LIPG: variants seen among roughly 807,000 people sequenced by gnomAD.
LIPG encodes endothelial lipase.
Under a neutral mutation model 51.8 loss-of-function variants are expected in LIPG, and 34 were observed. The observed-to-expected ratio is 0.66, with a 90% CI of 0.50 to 0.87. The LOEUF (loss-of-function observed/expected upper bound fraction) is 0.87, where lower values mean the gene tolerates loss of function less well. LIPG is among the 40% of genes least tolerant of loss of function. LIPG has a pLI of 0.00. For missense variants in LIPG, 580 were observed against 652.7 expected, an observed-to-expected ratio of 0.89 and a Z score of 1.21; for synonymous variants, 246 against 246.1, an observed-to-expected ratio of 1.00 and a Z score of 0.00.
chr18:49,590,985 G>T lies in LIPG; in HGVS notation c.*463G>T. The T allele has an allele frequency of 3.8e-6, 1 of 263,162 alleles. No homozygotes were observed. Among genetic ancestry groups the T allele is most frequent in the Non-Finnish European group, 7.5e-6 (1 of 133,282 alleles). 16.3% of individuals were successfully genotyped at this position (263,162 alleles called of 1,614,324 possible). On this transcript the variant is annotated 3_prime_UTR_variant, in exon 10 of 10. Coordinates refer to ENST00000261292, the MANE Select transcript of LIPG (RefSeq NM_006033.4). The stretch of plus-strand genomic sequence containing the variant: ...TGACTCATGTCAGGATGGCAGGCCT[G>T]GTATCTTGCTCGGGCCCTAGCTGTT...
chr18:49,580,502 G>A (rs1487953336), intron 5 of LIPG, among the ~76,000 whole-genome samples: 1 of 152,194 alleles, frequency 6.6e-6, no homozygotes, highest in African/African-American at 2.4e-5. Flanking sequence ...TGGCCAGCAG[G>A]CATGGTGTGG....
chr18:49,565,252 C>T, intron 1 of LIPG, 65 bp from the exon 2 acceptor site: 2 of 1,528,770 alleles, frequency 1.3e-6, no homozygotes, highest in Non-Finnish European at 9.0e-7. Flanking sequence ...GAACTAGAAT[C>T]AGACCCCAGG....
At chr18:49,574,537 A>G (rs929874615) in intron 4 of LIPG, among the ~76,000 whole-genome samples, 1 of 152,170 alleles carries the variant, frequency 6.6e-6, no homozygotes, top group Non-Finnish European at 1.5e-5. Flanking sequence ...CTGCTCTGCT[A>G]CCTGTCCGTT....
rs1382626762 is a variant in LIPG at position 49,596,828 on chromosome 18, A to G, written c.*6306A>G. 2 of 149,858 alleles carry G rather than the reference A, an allele frequency of 1.3e-5. No individual in the cohort carries two copies. The highest frequency in any genetic ancestry group is 3.0e-5 in the Non-Finnish European group (2 of 67,682). 9.3% of individuals were successfully genotyped at this position (149,858 alleles called of 1,614,324 possible). A position where few individuals can be genotyped will look rare whatever the true frequency, so the allele number is the denominator to read the frequency against. On this transcript the variant is annotated 3_prime_UTR_variant, in exon 10 of 10. Coordinates refer to ENST00000261292, the MANE Select transcript of LIPG (RefSeq NM_006033.4). ...GTAGCTCCAAGTATTTCCCCCCCTC[A>G]TATCCCTCAAGTGCTCCATTTTCCA...
At chr18:49,586,877 A>G in intron 9 of LIPG, 27 bp downstream of exon 9, 1 of 1,512,564 alleles carries the variant, frequency 6.6e-7, no homozygotes, top group Non-Finnish European at 9.2e-7. Context: ...CACACGTTCC[A>G]CCCAGGACAC....
chr18:49,568,981 C>A (rs2084635423), intron 3 of LIPG, among the ~76,000 whole-genome samples: 1 of 152,160 alleles, frequency 6.6e-6, no homozygotes, highest in Non-Finnish European at 1.5e-5. Flanking sequence ...CCCACATGGG[C>A]TTGTGAGGAG....
At chr18:49,584,387 G>C (rs2084861050) in intron 8 of LIPG, among the ~76,000 whole-genome samples, 1 of 152,304 alleles carries the variant, frequency 6.6e-6, no homozygotes, top group South Asian at 2.1e-4. Context: ...AAAAGATCCA[G>C]ATCTTTCTAT....
Position 49,596,250 on chromosome 18 carries a change from TA to T in LIPG, c.*5733del, listed in dbSNP as rs1479893090. On this transcript the variant is annotated 3_prime_UTR_variant, in exon 10 of 10. Coordinates refer to ENST00000261292, the MANE Select transcript of LIPG (RefSeq NM_006033.4). ...ATGAAATATAAATTCAAAACCTGTA[TA>T]AAAACTGAAAAAATGTAAAACGTCA... is the stretch of plus-strand genomic sequence containing the variant. The T allele has an allele frequency of 6.6e-5, 10 of 151,924 alleles. No homozygotes were observed. Among genetic ancestry groups the T allele is most frequent in the Admixed American group, 6.6e-4 (10 of 15,244 alleles). 9.4% of individuals were successfully genotyped at this position (151,924 alleles called of 1,614,324 possible).
chr18:49,590,521 G>A lies in LIPG; in HGVS notation c.1502G>A (p.Ter501=), dbSNP rs2084930869. The change falls in exon 10 of 10, where the codon TGA becomes TAA. Residue 501 remains the stop codon, a stop_retained_variant. Coordinates refer to ENST00000261292, the MANE Select transcript of LIPG (RefSeq NM_006033.4). ...TTCAGTCCCACTGTGGAGCTTCCCTGAGGGTGCCCGGGCAAGTCTTGCCAG... is the reference window on the plus strand; with the variant it reads ...TTCAGTCCCACTGTGGAGCTTCCCTAAGGGTGCCCGGGCAAGTCTTGCCAG... The part of the protein sequence containing the change: ...NETSPTVELP[*] 1.2e-6 allele frequency: 2 copies of A among 1,600,874 alleles called. No individual in the cohort carries two copies. Among genetic ancestry groups the A allele is most frequent in the African/African-American group, 1.3e-5 (1 of 74,802 alleles).
chr18:49,569,576 C>T (rs1176905415), intron 4 of LIPG, 28 bp downstream of exon 4: 2 of 1,547,278 alleles, frequency 1.3e-6, no homozygotes, highest in East Asian at 2.3e-5. Flanking sequence ...CACTAAAGGG[C>T]TCCCTCAGCT....
intron 3 of LIPG, among the ~76,000 whole-genome samples, chr18:49,568,663 G>A (rs1019574027): frequency 6.6e-6 from 1 of 152,150 alleles, no homozygotes; most frequent in Admixed American, 6.5e-5. Context: ...TTAGAGACGT[G>A]AGCCACCGCA....
intron 6 of LIPG, 22 bp downstream of exon 6, chr18:49,581,679 G>C (rs764415222): frequency 6.2e-7 from 1 of 1,610,492 alleles, no homozygotes; most frequent in Non-Finnish European, 8.5e-7. Context: ...TCCCTGGAGT[G>C]TCCCTGAGGA....
Position 49,593,943 on chromosome 18 carries a change from T to A in LIPG, c.*3421T>A, listed in dbSNP as rs1460723015. On this transcript the variant is annotated 3_prime_UTR_variant, in exon 10 of 10. Transcript: ENST00000261292. ...CGATACATACAAGGTATAGTGATCATGTTGGAATAATTAGCATACCCATCC... is the reference window on the plus strand; with the variant it reads ...CGATACATACAAGGTATAGTGATCAAGTTGGAATAATTAGCATACCCATCC... 3.9e-5 allele frequency: 6 copies of A among 152,240 alleles called. No individual in the cohort carries two copies. The highest frequency in any genetic ancestry group is 1.2e-4 in the African/African-American group (5 of 41,464). 9.4% of individuals were successfully genotyped at this position (152,240 alleles called of 1,614,324 possible).
rs1035619047 is a variant in LIPG, at chr18:49,591,822, T to G, written c.*1300T>G. 1 of 152,218 alleles carries G rather than the reference T, an allele frequency of 6.6e-6. No individual in the cohort carries two copies. Among genetic ancestry groups the G allele is most frequent in the Non-Finnish European group, 1.5e-5 (1 of 68,030 alleles). 9.4% of individuals were successfully genotyped at this position (152,218 alleles called of 1,614,324 possible). ...CCTATTTTACAAAACTGAGGCTTAGTGAGGTTCAGCCACATGCCTAGACTT... is the reference window on the plus strand; with the variant it reads ...CCTATTTTACAAAACTGAGGCTTAGGGAGGTTCAGCCACATGCCTAGACTT... On this transcript the variant is annotated 3_prime_UTR_variant, in exon 10 of 10. Coordinates refer to ENST00000261292, the MANE Select transcript of LIPG (RefSeq NM_006033.4).
At chr18:49,588,688 G>A (rs893609470) in intron 9 of LIPG, among the ~76,000 whole-genome samples, 3 of 152,068 alleles carry the variant, frequency 2.0e-5, no homozygotes, top group Non-Finnish European at 4.4e-5. Context: ...CTATCCCCTT[G>A]TCCCATGCTG....
chr18:49,577,443 C>T (rs1211747244), intron 5 of LIPG, among the ~76,000 whole-genome samples: 5 of 144,612 alleles, frequency 3.5e-5, no homozygotes, highest in South Asian at 2.2e-4. Flanking sequence ...GGCAACCATC[C>T]GATTTCTCAA....
chr18:49,583,653 G>T lies in LIPG; in HGVS notation c.1255G>T (p.Ala419Ser). The change falls in exon 8 of 10, where the codon GCC becomes TCC. Residue 419 changes from alanine to serine, a missense_variant. By Grantham distance (99) the Ala-to-Ser change is moderately conservative (BLOSUM62 1). Transcript: ENST00000261292. ...LLKIQLTWEG[A>S]SQSWYNLWKE... ...GAAGATCCAGCTCACCTGGGAGGGG[G>T]CCTCTCAGTCTTGGTACAACCTGTG... 6.2e-7 allele frequency: 1 copy of T among 1,614,168 alleles called. No homozygotes were observed. The highest frequency in any genetic ancestry group is 8.5e-7 in the Non-Finnish European group (1 of 1,180,000).
upstream of LIPG, chr18:49,561,765 C>T (rs2084551694): frequency 2.4e-6 from 3 of 1,248,202 alleles, no homozygotes; most frequent in South Asian, 7.6e-5. Context: ...CTTGGGATGG[C>T]AGTGGGGAGA....
rs569937482 is a variant in LIPG at position 49,580,040 on chromosome 18, C to T, written c.794-1375C>T. Among the ~76,000 whole-genome samples the T allele has an allele frequency of 8.5e-5, 13 of 152,264 alleles. No homozygotes were observed. The South Asian group carries it at 2.5e-3, about 29-fold the overall frequency. Reference sequence around the variant, plus strand: ...TTTTGGCCAGGCTGGTCTCAAACTCCTGTCCTCAGGTGATCCACCCACCTT... The same window carrying T: ...TTTTGGCCAGGCTGGTCTCAAACTCTTGTCCTCAGGTGATCCACCCACCTT... On this transcript the variant is annotated intron_variant, in intron 5 of 9. Coordinates refer to ENST00000261292, the MANE Select transcript of LIPG (RefSeq NM_006033.4).
Sources: allele counts gnomAD v4.1 joint callset (sites outside exome capture counted in the v4.1 genomes callset), GRCh38; gene constraint gnomAD v4.1.1; transcripts MANE v1.5; gene names NCBI Gene and HGNC (gene_info 2026-07-23, HGNC 2026-07-21).